Variants in RBM26 observed in about 807,000 individuals in gnomAD.
The protein encoded by RBM26 is RNA binding motif protein 26.
A neutral mutation model predicts 123.6 loss-of-function variants in RBM26; 30 were observed. That is an observed-to-expected ratio of 0.24 (90% confidence interval 0.18 to 0.33). The LOEUF is 0.33. Ranked by LOEUF, RBM26 falls within the 10% of genes least tolerant of loss-of-function variation. The pLI, the probability that RBM26 is intolerant of heterozygous loss-of-function variation, is 1.00. For synonymous variants in RBM26, 400 were observed against 404.4 expected (o/e 0.99, Z 0.13); for missense variants, 947 against 1,203.6 (o/e 0.79, Z 3.15).
At chr13:79,378,713 T>C in intron 2 of RBM26, 76 bp downstream of exon 2, 3 of 861,962 alleles carry the variant, frequency 3.5e-6, no homozygotes, top group Non-Finnish European at 5.4e-6. Flanking sequence ...GTGCTAGGAT[T>C]ACAGGCGTGA....
At chr13:79,318,024 G>C (rs1324826572), downstream of RBM26, among the ~76,000 whole-genome samples, 1 of 151,362 alleles carries the variant, frequency 6.6e-6, no homozygotes, top group Non-Finnish European at 1.5e-5. Flanking sequence ...AATCTAGTGG[G>C]GAAGACAGAC....
At chr13:79,367,298 T>A (rs1368996293) in intron 6 of RBM26, among the ~76,000 whole-genome samples, 1 of 149,502 alleles carries the variant, frequency 6.7e-6, no homozygotes, top group Admixed American at 6.7e-5. Context: ...GCCCAGCTAT[T>A]AGGGAGGCTG....
chr13:79,322,299 AAAGCTATG>A (rs771599311), intron 21 of RBM26, 42 bp downstream of exon 21: 1 of 1,182,288 alleles, frequency 8.5e-7, no homozygotes, highest in South Asian at 1.6e-5. Context: ...ATTTTATATA[AAAGCTATG>A]AACGATTAAG....
At chr13:79,336,914 C>T (rs2070513766) in intron 19 of RBM26, among the ~76,000 whole-genome samples, 188 bp downstream of exon 19, 1 of 152,134 alleles carries the variant, frequency 6.6e-6, no homozygotes, top group Non-Finnish European at 1.5e-5. Context: ...ATAGTAATGT[C>T]TCTTCTAGAT....
chr13:79,398,492 T>C (rs1279028614), intron 1 of RBM26, among the ~76,000 whole-genome samples: 1 of 152,192 alleles, frequency 6.6e-6, no homozygotes, highest in African/African-American at 2.4e-5. Flanking sequence ...AAAGTCAATT[T>C]ATCACAAGTT....
chr13:79,371,896 G>C lies in RBM26; in HGVS notation c.362C>G (p.Ser121Cys), dbSNP rs745465986. The C allele has an allele frequency of 1.2e-6, 2 of 1,606,134 alleles. No homozygotes were observed. The highest frequency in any genetic ancestry group is 8.5e-7 in the Non-Finnish European group (1 of 1,175,832). ...TKEEEREKKF[S>C]RRLNHSPPQS... ...GGGAGGACTGTGATTTAGCCTTCTAGAAAACTTCTTCTCTCGCTCTTCCTC... is the reference window on the plus strand; with the variant it reads ...GGGAGGACTGTGATTTAGCCTTCTACAAAACTTCTTCTCTCGCTCTTCCTC... Residue 121 changes from serine (S) to cysteine (C), a missense_variant, in exon 4 of 22, where the codon TCT (serine) becomes TGT (cysteine). Physicochemically the swap from Ser to Cys is moderately radical, Grantham distance 112. Around this residue, in one of 5 missense-constraint regions of RBM26, gnomAD observed 275 missense variants for 361.0 expected, o/e 0.76. Coordinates refer to ENST00000438737, the MANE Select transcript of RBM26 (RefSeq NM_001366735.2).
intron 14 of RBM26, among the ~76,000 whole-genome samples, 180 bp downstream of exon 14, chr13:79,352,973 T>C (rs1177362864): frequency 6.6e-6 from 1 of 151,584 alleles, no homozygotes; most frequent in Non-Finnish European, 1.5e-5. Context: ...AAAATGCTGA[T>C]GCAAAAGTAA....
intron 14 of RBM26, among the ~76,000 whole-genome samples, chr13:79,350,524 A>G (rs1272371588): frequency 6.6e-6 from 1 of 152,192 alleles, no homozygotes; most frequent in Non-Finnish European, 1.5e-5. Context: ...CAATATCTTC[A>G]TATTTACCAG....
chr13:79,344,871 A>C (rs1041677399), intron 14 of RBM26, 77 bp from the exon 15 acceptor site: 1 of 1,389,764 alleles, frequency 7.2e-7, no homozygotes, highest in African/African-American at 1.5e-5. Flanking sequence ...ACTCAACTTT[A>C]AAGCACTACT....
rs183871590 is a variant in RBM26, at chr13:79,402,172, C to T, written c.71+3532G>A. Among the ~76,000 whole-genome samples the T allele has an allele frequency of 2.7e-3, 401 of 151,220 alleles. 6 individuals carry two copies. Among genetic ancestry groups the T allele is most frequent in the South Asian group, 0.02 (95 of 4,800 alleles). The stretch of plus-strand genomic sequence containing the variant: ...TTTTCAGGACTTCTCATCATCAAAA[C>T]GAAATGTTAGAAAAAAGACTAACAT... On this transcript the variant is annotated intron_variant, in intron 1 of 21. Coordinates refer to ENST00000438737, the MANE Select transcript of RBM26 (RefSeq NM_001366735.2).
chr13:79,382,345 T>C (rs538537186), intron 1 of RBM26, among the ~76,000 whole-genome samples: 40 of 152,294 alleles, frequency 2.6e-4, no homozygotes, highest in African/African-American at 9.6e-4. Context: ...TTGTCAGAGC[T>C]AGACTTTTCT....
At chr13:79,377,154 A>G (rs2076724867) in intron 3 of RBM26, 1 of 425,766 alleles carries the variant, frequency 2.3e-6, no homozygotes, top group Non-Finnish European at 4.3e-6. Flanking sequence ...ACTTGGCCTC[A>G]TACACCTTTT....
Position 79,319,196 on chromosome 13 carries a change from T to C in RBM26, c.*1425A>G, listed in dbSNP as rs1452213803. 19 of 984,470 alleles carry C rather than the reference T, an allele frequency of 1.9e-5. No homozygotes were observed. The highest frequency in any genetic ancestry group is 2.2e-5 in the Non-Finnish European group (18 of 829,406). The allele number at this position is 984,470 out of a possible 1,614,324, so 61.0% of individuals were successfully genotyped here. A position where few individuals can be genotyped will look rare whatever the true frequency, so the allele number is the denominator to read the frequency against. On this transcript the variant is annotated 3_prime_UTR_variant, in exon 22 of 22. Transcript: ENST00000438737. ...TTAAGTTACTCCACTGGCAGAAGAC[T>C]ATGGTGGTGGTGGAACAACAGCTTT... is the stretch of plus-strand genomic sequence containing the variant.
intron 11 of RBM26, among the ~76,000 whole-genome samples, chr13:79,356,390 AAAAAAAAAC>A (rs2074015731): frequency 2.2e-5 from 1 of 44,812 alleles, no homozygotes; most frequent in South Asian, 6.9e-4. Context: ...AAAAACAAAC[AAAAAAAAAC>A]AAAAAAGTAG....
At chr13:79,397,930 A>C (rs931120866) in intron 1 of RBM26, among the ~76,000 whole-genome samples, 2 of 152,198 alleles carry the variant, frequency 1.3e-5, no homozygotes, top group African/African-American at 4.8e-5. Flanking sequence ...AAATAACAAA[A>C]GAAATGCTTC....
At chr13:79,367,115 G>A (rs948418520) in intron 6 of RBM26, among the ~76,000 whole-genome samples, 1 of 151,990 alleles carries the variant, frequency 6.6e-6, no homozygotes, top group African/African-American at 2.4e-5. Context: ...ATGTTGAAAT[G>A]TGACAATCTG....
chr13:79,368,001 A>G (rs984650046), intron 6 of RBM26, among the ~76,000 whole-genome samples: 9 of 149,752 alleles, frequency 6.0e-5, no homozygotes, highest in Non-Finnish European at 1.2e-4. Flanking sequence ...GTAAATCCTT[A>G]AAAGTCTTCA....
intron 1 of RBM26, among the ~76,000 whole-genome samples, chr13:79,390,400 T>C (rs1312099086): frequency 1.3e-5 from 2 of 152,098 alleles, no homozygotes; most frequent in African/African-American, 2.4e-5. Context: ...AATACTAATA[T>C]ATAGTGTAAA....
rs776345304 is a variant in RBM26, at chr13:79,367,406, CAAAAA to C, written c.896-539_896-535del. On this transcript the variant is annotated intron_variant, in intron 6 of 21. Transcript: ENST00000438737. ...TGGGGTATAGGGGGAGACTCCATCTCAAAAAAAAAAAAAAAAAAAAAAAAAAGAAG... is the reference window on the plus strand; with the variant it reads ...TGGGGTATAGGGGGAGACTCCATCTCAAAAAAAAAAAAAAAAAAAAAGAAG... Among the ~76,000 whole-genome samples, 156 of 39,592 alleles carry C rather than the reference CAAAAA, an allele frequency of 3.9e-3. 1 individual carries two copies. Among genetic ancestry groups the C allele is most frequent in the African/African-American group, 7.1e-3 (119 of 16,700 alleles). 26.0% of individuals were successfully genotyped at this position (39,592 alleles called of 152,430 possible). A position where few individuals can be genotyped will look rare whatever the true frequency, so the allele number is the denominator to read the frequency against.
Sources: gnomAD v4.1 joint callset for allele counts (sites outside exome capture counted in the v4.1 genomes callset) on GRCh38, gnomAD v4.1.1 for gene constraint, gnomAD v4.1.1 regional missense constraint, MANE v1.5 for transcripts, NCBI Gene and HGNC (gene_info 2026-07-23, HGNC 2026-07-21) for gene names.